Variants in FBXL20 observed in about 807,000 individuals in gnomAD.
FBXL20 encodes F-box/LRR-repeat protein 20.
In FBXL20, 11 loss-of-function variants were observed where a neutral mutation model predicts 64.0. The observed-to-expected ratio is 0.17, with a 90% CI of 0.11 to 0.28. The LOEUF (loss-of-function observed/expected upper bound fraction) is 0.28. Ranked by LOEUF, FBXL20 falls within the 10% of genes least tolerant of loss-of-function variation. The probability of loss-of-function intolerance (pLI) is 1.00; values close to 1 mark genes in which losing one functional copy is unlikely to be tolerated. For missense variants in FBXL20, 303 were observed against 526.2 expected (o/e 0.58, Z 4.15); for synonymous variants, 184 against 189.0 (o/e 0.97, Z 0.22).
At position 39,259,935 on chromosome 17, in the gene FBXL20, G is replaced by T. The variant is rs1189286117; in HGVS notation, c.*1525C>A. 7.1e-6 allele frequency: 1 copy of T among 140,590 alleles called. No homozygotes were observed. The highest frequency in any genetic ancestry group is 2.1e-4 in the East Asian group (1 of 4,676). The allele number at this position is 140,590 out of a possible 1,614,324, so 8.7% of individuals were successfully genotyped here. ...GGAAGTGGAGGTTGCGGTGAGCCGA[G>T]ATCGCACCACTGCACTCCAGTCTGG... On this transcript the variant is annotated 3_prime_UTR_variant, in exon 15 of 15. Transcript: ENST00000264658.
At chr17:39,340,597 T>C (rs1187098877) in intron 2 of FBXL20, among the ~76,000 whole-genome samples, 1 of 152,184 alleles carries the variant, frequency 6.6e-6, no homozygotes, top group Non-Finnish European at 1.5e-5. Context: ...AAGATGTTAA[T>C]ATTAATTGAG....
chr17:39,300,821 G>T (rs2047127617), intron 4 of FBXL20, among the ~76,000 whole-genome samples, 180 bp downstream of exon 4: 1 of 152,108 alleles, frequency 6.6e-6, no homozygotes, highest in Admixed American at 6.6e-5. Context: ...GAAATAATCT[G>T]GCTCATTCTC....
intron 2 of FBXL20, among the ~76,000 whole-genome samples, chr17:39,314,532 T>C (rs1462387153): frequency 6.6e-6 from 1 of 151,844 alleles, no homozygotes; most frequent in African/African-American, 2.4e-5. Context: ...GTACAAATTT[T>C]GTATATATAG....
Position 39,343,243 on chromosome 17 carries a change from T to C in FBXL20, c.43-2A>G. 1 of 1,592,016 alleles carries C rather than the reference T, an allele frequency of 6.3e-7. No individual in the cohort carries two copies. Among genetic ancestry groups the C allele is most frequent in the Non-Finnish European group, 8.5e-7 (1 of 1,171,018 alleles). On this transcript the variant is annotated splice_acceptor_variant, in intron 1 of 14. Transcript: ENST00000264658. LOFTEE classifies it high-confidence loss of function. ...AGCTTCATCACTATTTGAGAACATC[T>C]GCAAAAACAAAATCATAGTGTCAAG...
chr17:39,332,395 CAT>C (rs985610609), intron 2 of FBXL20, among the ~76,000 whole-genome samples: 71 of 152,314 alleles, frequency 4.7e-4, no homozygotes, highest in African/African-American at 1.6e-3. Context: ...CAATATTTCA[CAT>C]GTGTCGTCAC....
In FBXL20 at chr17:39,260,618, T is replaced by C. The variant is rs1225530976; in HGVS notation, c.*842A>G. 6.6e-6 allele frequency: 1 copy of C among 152,432 alleles called. No individual in the cohort carries two copies. Among genetic ancestry groups the C allele is most frequent in the South Asian group, 2.1e-4 (1 of 4,830 alleles). The allele number at this position is 152,432 out of a possible 1,614,324, so 9.4% of individuals were successfully genotyped here. ...TTAGAATTAAAAAAATATTTATTGA[T>C]AATATCTTTTTAAAAAATGTTTGGT... is the stretch of plus-strand genomic sequence containing the variant. On this transcript the variant is annotated 3_prime_UTR_variant, in exon 15 of 15. Coordinates refer to ENST00000264658, the MANE Select transcript of FBXL20 (RefSeq NM_032875.3).
intron 1 of FBXL20, among the ~76,000 whole-genome samples, chr17:39,362,209 CG>C (rs910127037): frequency 6.6e-6 from 1 of 151,892 alleles, no homozygotes; most frequent in Non-Finnish European, 1.5e-5. Context: ...AGGAGAATGG[CG>C]TGAACCCGGG....
chr17:39,354,704 T>C (rs568974790), intron 1 of FBXL20, among the ~76,000 whole-genome samples: 2 of 152,292 alleles, frequency 1.3e-5, no homozygotes, highest in Admixed American at 6.5e-5. Context: ...CGTATCTCTA[T>C]AGCAGACTGT....
intron 1 of FBXL20, among the ~76,000 whole-genome samples, chr17:39,352,699 A>G (rs1159793076): frequency 1.3e-5 from 2 of 149,124 alleles, no homozygotes; most frequent in Non-Finnish European, 3.0e-5. Context: ...AAAAAAAAAG[A>G]AAAGAAGAAA....
rs1196902857 is a variant in FBXL20, at chr17:39,270,804, G to A, written c.880C>T (p.Leu294=). 2 of 1,607,054 alleles carry A rather than the reference G, an allele frequency of 1.2e-6. No individual in the cohort carries two copies. Among genetic ancestry groups the A allele is most frequent in the East Asian group, 4.5e-5 (2 of 44,718 alleles). ...CTAAAGAAAATACTTACCCTGGCTA[G>A]AGTGGTAAAGCCCACATCTGTTAAT... ...SQLTDVGFTT[L]ARNCHELEKM... Residue 294 remains leucine, a synonymous_variant, in exon 11 of 15, where the codon CTA becomes TTA. Transcript: ENST00000264658.
chr17:39,308,813 C>T (rs535212021), intron 2 of FBXL20, among the ~76,000 whole-genome samples: 2 of 152,172 alleles, frequency 1.3e-5, no homozygotes, highest in East Asian at 3.9e-4. Flanking sequence ...GATCCACCCG[C>T]CTCAGCCTCC....
At chr17:39,327,385 G>GTAAACATATTATGGAGTTATAT (rs1247771609) in intron 2 of FBXL20, among the ~76,000 whole-genome samples, 1 of 151,998 alleles carries the variant, frequency 6.6e-6, no homozygotes, top group Non-Finnish European at 1.5e-5. Flanking sequence ...CTAGGATTAA[G>GTAAACATATTATGGAGTTATAT]TAAACATATT....
intron 1 of FBXL20, among the ~76,000 whole-genome samples, chr17:39,368,303 G>T (rs981403486): frequency 3.2e-4 from 49 of 152,102 alleles, no homozygotes; most frequent in African/African-American, 1.2e-3. Context: ...AAGGCAGGAG[G>T]ATCACTTGAG....
chr17:39,361,972 T>C (rs1478544527), intron 1 of FBXL20, among the ~76,000 whole-genome samples: 2 of 148,422 alleles, frequency 1.3e-5, no homozygotes, highest in African/African-American at 2.5e-5. Context: ...TGCTTTTGGA[T>C]TTTGGAGCAC....
At chr17:39,398,672 G>T (rs1402531909) in intron 1 of FBXL20, among the ~76,000 whole-genome samples, 2 of 150,144 alleles carry the variant, frequency 1.3e-5, no homozygotes, top group African/African-American at 5.0e-5. Flanking sequence ...CACCCTCGTT[G>T]TTTTTTGTTT....
At chr17:39,266,990 C>A (rs1214355704) in intron 12 of FBXL20, among the ~76,000 whole-genome samples, 1 of 151,762 alleles carries the variant, frequency 6.6e-6, no homozygotes, top group African/African-American at 2.4e-5. Flanking sequence ...TGGTAGTTCA[C>A]GCTTGTAATC....
chr17:39,348,083 C>T (rs1047554922), intron 1 of FBXL20, among the ~76,000 whole-genome samples: 3 of 123,106 alleles, frequency 2.4e-5, no homozygotes, highest in African/African-American at 1.4e-4. Flanking sequence ...AGGTTGGGTT[C>T]GTCTTTTTTT....
chr17:39,356,882 TTA>T (rs2047746825), intron 1 of FBXL20, among the ~76,000 whole-genome samples: 1 of 151,418 alleles, frequency 6.6e-6, no homozygotes, highest in Non-Finnish European at 1.5e-5. Flanking sequence ...CAGGCTAGTC[TTA>T]AACTCCTAAA....
At chr17:39,376,993 T>C (rs2079576) in intron 1 of FBXL20, among the ~76,000 whole-genome samples, 1,615 of 152,214 alleles carry the variant, frequency 0.011, 29 homozygotes, top group African/African-American at 0.037. Flanking sequence ...TAAACTGAGT[T>C]TATAGTTTAA....
Sources: gnomAD v4.1 joint callset for allele counts (sites outside exome capture counted in the v4.1 genomes callset) on GRCh38, gnomAD v4.1.1 for gene constraint, MANE v1.5 for transcripts, NCBI Gene and HGNC (gene_info 2026-07-23, HGNC 2026-07-21) for gene names.